The following RPUSD4 variants were observed in gnomAD, a reference collection of about 807,000 sequenced individuals.
RPUSD4 encodes the protein pseudouridylate synthase RPUSD4, mitochondrial.
RPUSD4 carries 37 observed loss-of-function variants against 35.4 expected under a neutral mutation model. The observed-to-expected ratio is 1.04, with a 90% CI of 0.80 to 1.37. The LOEUF (loss-of-function observed/expected upper bound fraction) is 1.37. Among genes scored for constraint, RPUSD4 ranks in the 40% most tolerant of loss-of-function variants. The pLI is 0.00. For missense variants in RPUSD4, 507 were observed against 484.9 expected, an observed-to-expected ratio of 1.05 and a Z score of -0.43; for synonymous variants, 210 against 192.7, an observed-to-expected ratio of 1.09 and a Z score of -0.74.
intron 2 of RPUSD4, 55 bp downstream of exon 2, chr11:126,210,835 C>T (rs557013960): frequency 3.3e-6 from 5 of 1,535,940 alleles, no homozygotes; most frequent in Non-Finnish European, 4.4e-6. Flanking sequence ...CAGTTTTCCT[C>T]GGTTGTAGCA....
At position 126,204,334 on chromosome 11, in the gene RPUSD4, AAGAG is replaced by A. The variant is rs762148400; in HGVS notation, c.797-10_797-7del. 26 of 1,569,716 alleles carry A rather than the reference AAGAG, an allele frequency of 1.7e-5. No individual in the cohort carries two copies. The highest frequency in any genetic ancestry group is 6.7e-5 in the African/African-American group (5 of 74,126). On this transcript the variant is annotated splice_region_variant and splice_polypyrimidine_tract_variant and intron_variant, in intron 5 of 6. Coordinates refer to ENST00000298317, the MANE Select transcript of RPUSD4 (RefSeq NM_032795.3). ...TCGAAGCTGATGTTTTATTCCTTAA[AAGAG>A]AGAGAGAGAGAAAGAGAGAAAACTC...
rs577014385 is a variant in RPUSD4 at position 126,211,030 on chromosome 11, C to A, written c.215G>T (p.Arg72Ile). 8 of 1,613,784 alleles carry A rather than the reference C, an allele frequency of 5.0e-6. No individual in the cohort carries two copies. Among genetic ancestry groups the A allele is most frequent in the Admixed American group, 1.7e-5 (1 of 59,996 alleles). ...EPVSTNAVQR[R>I]VQEIVRFTRQ... ...TGTGAACCGCACTATTTCTTGCACT[C>A]TCCGCTGAACAGCGTTTGTGGACAC... The change falls in exon 2 of 7, where the codon AGA (arginine) becomes ATA (isoleucine). Residue 72 changes from arginine to isoleucine, a missense_variant. Arg to Ile is a moderately conservative substitution (Grantham distance 97). Coordinates refer to ENST00000298317, the MANE Select transcript of RPUSD4 (RefSeq NM_032795.3).
chr11:126,211,258 G>C, intron 1 of RPUSD4, 192 bp downstream of exon 1: 1 of 900,236 alleles, frequency 1.1e-6, no homozygotes, highest in South Asian at 1.6e-5. Flanking sequence ...CCTGACAGTA[G>C]CCAAAGATCC....
Position 126,203,372 on chromosome 11 carries a change from C to G in RPUSD4, c.*46G>C, listed in dbSNP as rs1488825032. The G allele has an allele frequency of 6.3e-7, 1 of 1,593,736 alleles. No homozygotes were observed. The highest frequency in any genetic ancestry group is 2.2e-5 in the East Asian group (1 of 44,698). On this transcript the variant is annotated 3_prime_UTR_variant, in exon 7 of 7. Transcript: ENST00000298317. ...GCGCTCCCAGGTGCCAGGATGCTCT[C>G]AGGGTCTTCACTGTGCTCCCAGGTG...
At chr11:126,209,441 G>C in intron 3 of RPUSD4, 80 bp downstream of exon 3, 2 of 1,243,554 alleles carry the variant, frequency 1.6e-6, no homozygotes, top group Non-Finnish European at 2.3e-6. Context: ...ATTAATGGGA[G>C]TTTCTGTTTT....
rs200340249 is a variant in RPUSD4 at position 126,205,471 on chromosome 11, T to C, written c.793A>G (p.Thr265Ala). ...TGCGGAAAAGTGACACTCTCACCAG[T>C]GATGGGCTGGAGCTCCACGAGGGCG... ...SSALVELQPI[T>A]GIKHQLRVHL... is the part of the protein sequence containing the mutation. The change falls in exon 5 of 7, where the codon ACT becomes GCT. Residue 265 changes from threonine to alanine, a missense_variant. Transcript: ENST00000298317. 1 of 1,614,230 alleles carries C rather than the reference T, an allele frequency of 6.2e-7. No individual in the cohort carries two copies. The highest frequency in any genetic ancestry group is 8.5e-7 in the Non-Finnish European group (1 of 1,180,040).
Position 126,203,364 on chromosome 11 carries a change from G to A in RPUSD4, c.*54C>T, listed in dbSNP as rs1949733120. On this transcript the variant is annotated 3_prime_UTR_variant, in exon 7 of 7. Coordinates refer to ENST00000298317, the MANE Select transcript of RPUSD4 (RefSeq NM_032795.3). ...GCCAACCTGCGCTCCCAGGTGCCAGGATGCTCTCAGGGTCTTCACTGTGCT... is the reference window on the plus strand; with the variant it reads ...GCCAACCTGCGCTCCCAGGTGCCAGAATGCTCTCAGGGTCTTCACTGTGCT... 3 of 1,585,700 alleles carry A rather than the reference G, an allele frequency of 1.9e-6. No individual in the cohort carries two copies. The highest frequency in any genetic ancestry group is 2.8e-5 in the African/African-American group (2 of 70,816).
Position 126,209,519 on chromosome 11 carries a change from A to C in RPUSD4, c.557+2T>G. Reference sequence around the variant, plus strand: ...CTCTACTGCCATCAGCAGGCCTCATACCAGTACTTCTTCACCACCTGACGG... The same window carrying C: ...CTCTACTGCCATCAGCAGGCCTCATCCCAGTACTTCTTCACCACCTGACGG... On this transcript the variant is annotated splice_donor_variant, in intron 3 of 6. Transcript: ENST00000298317. LOFTEE classifies it high-confidence loss of function. 1 of 1,613,206 alleles carries C rather than the reference A, an allele frequency of 6.2e-7. No individual in the cohort carries two copies. The highest frequency in any genetic ancestry group is 8.5e-7 in the Non-Finnish European group (1 of 1,179,138).
intron 3 of RPUSD4, chr11:126,206,107 G>T: frequency 5.3e-6 from 1 of 188,556 alleles, no homozygotes; most frequent in Non-Finnish European, 1.1e-5. Context: ...ATATAGTTTT[G>T]TATTTTTTTT....
rs1385126276 is a variant in RPUSD4 at position 126,206,256 on chromosome 11, G to A, written c.558-475C>T. 3.3e-5 allele frequency: 5 copies of A among 153,242 alleles called. No homozygotes were observed. In the East Asian group the frequency reaches 5.8e-4, roughly 18 times the overall value. The allele number at this position is 153,242 out of a possible 1,614,324, so 9.5% of individuals were successfully genotyped here. Reference sequence around the variant, plus strand: ...GGTAAAACAGGAGGGAACTGTACCCGAAGAAGTCACAGGGGACAGGCGTGG... The same window carrying A: ...GGTAAAACAGGAGGGAACTGTACCCAAAGAAGTCACAGGGGACAGGCGTGG... On this transcript the variant is annotated intron_variant, in intron 3 of 6. Coordinates refer to ENST00000298317, the MANE Select transcript of RPUSD4 (RefSeq NM_032795.3).
chr11:126,208,391 T>A (rs1231252173), intron 3 of RPUSD4, among the ~76,000 whole-genome samples: 1 of 152,220 alleles, frequency 6.6e-6, no homozygotes, highest in East Asian at 1.9e-4. Context: ...TACAAAACTC[T>A]GTGTGAAATA....
chr11:126,211,620 T>C lies in RPUSD4; in HGVS notation c.19A>G (p.Ser7Gly), dbSNP rs902791657. The C allele has an allele frequency of 1.9e-6, 3 of 1,613,116 alleles. No individual in the cohort carries two copies. The change falls in exon 1 of 7, where the codon AGC (serine) becomes GGC (glycine). Residue 7 changes from serine to glycine, a missense_variant. Transcript: ENST00000298317. ...CCCCGGATCCAGGGGCCCGACGCGCTCCACCTGGGCGCCGCCATCTTACAA... is the reference window on the plus strand; with the variant it reads ...CCCCGGATCCAGGGGCCCGACGCGCCCCACCTGGGCGCCGCCATCTTACAA... MAAPRW[S>G]ASGPWIRGNG... is the part of the protein sequence containing the mutation.
Position 126,205,553 on chromosome 11 carries a change from G to C in RPUSD4, c.711C>G (p.Ser237Arg). The part of the protein sequence containing the change: ...DDGKMVKVRR[S>R]RNAQVAVTQY... ...GAGTTACAGCAACTTGCGCATTCCG[G>C]CTGCGCCGCACTTTCACCATTTTCC... The change falls in exon 5 of 7, where the codon AGC becomes AGG. Residue 237 changes from serine (S) to arginine (R), a missense_variant. Ser to Arg is a moderately radical substitution (Grantham distance 110, BLOSUM62 -1). Transcript: ENST00000298317. The C allele has an allele frequency of 6.2e-7, 1 of 1,614,284 alleles. No individual in the cohort carries two copies. Among genetic ancestry groups the C allele is most frequent in the Non-Finnish European group, 8.5e-7 (1 of 1,180,054 alleles).
At position 126,203,616 on chromosome 11, in the gene RPUSD4, C is replaced by A; in HGVS notation, c.936G>T (p.Gln312His). 6.2e-7 allele frequency: 1 copy of A among 1,614,056 alleles called. No homozygotes were observed. The highest frequency in any genetic ancestry group is 2.2e-5 in the East Asian group (1 of 44,880). ...VGTLKKLGLE[Q>H]SKARYIPLHL... ...GAAGGGGGATGTAGCGGGCCTTCGA[C>A]TGTTCTAGCCCCAGCTTCTTCAGGG... The change falls in exon 7 of 7, where the codon CAG (glutamine) becomes CAT (histidine). Residue 312 changes from glutamine to histidine, a missense_variant. Transcript: ENST00000298317.
At chr11:126,209,293 T>A (rs1949812934) in intron 3 of RPUSD4, 1 of 497,938 alleles carries the variant, frequency 2.0e-6, no homozygotes, top group Non-Finnish European at 3.6e-6. Flanking sequence ...GTCCACCCCA[T>A]GCTTGTATAA....
intron 2 of RPUSD4, among the ~76,000 whole-genome samples, chr11:126,210,538 C>CAA (rs1949841435): frequency 6.7e-6 from 1 of 148,426 alleles, no homozygotes; most frequent in Admixed American, 6.6e-5. Flanking sequence ...CACACACACA[C>CAA]ACACACACAC....
intron 5 of RPUSD4, among the ~76,000 whole-genome samples, chr11:126,204,708 A>T (rs1949751544): frequency 6.6e-6 from 1 of 152,234 alleles, no homozygotes; most frequent in South Asian, 2.1e-4. Context: ...AACCACTGGC[A>T]TTATACTAAA....
At chr11:126,205,881 A>C in intron 3 of RPUSD4, 100 bp from the exon 4 acceptor site, 5 of 786,324 alleles carry the variant, frequency 6.4e-6, no homozygotes, top group Non-Finnish European at 9.9e-6. Flanking sequence ...CTGCACTAAC[A>C]TGTGATTTCT....
At chr11:126,209,322 G>C (rs1272466379) in intron 3 of RPUSD4, 199 bp downstream of exon 3, 5 of 551,444 alleles carry the variant, frequency 9.1e-6, no homozygotes, top group Admixed American at 3.4e-5. Context: ...TGATAATTTT[G>C]ATGTATACCA....
Sources: allele counts gnomAD v4.1 joint callset (sites outside exome capture counted in the v4.1 genomes callset), GRCh38; gene constraint gnomAD v4.1.1; transcripts MANE v1.5; gene names NCBI Gene and HGNC (gene_info 2026-07-23, HGNC 2026-07-21).